MBNL1: variants seen among roughly 807,000 people sequenced by gnomAD.
The protein encoded by MBNL1 is muscleblind-like protein 1.
Under a neutral mutation model 42.2 loss-of-function variants are expected in MBNL1, and 8 were observed. That is an observed-to-expected ratio of 0.19 (90% CI 0.11 to 0.34). The LOEUF (loss-of-function observed/expected upper bound fraction) is 0.34. MBNL1 is among the 10% of genes least tolerant of loss of function. The pLI, the probability that MBNL1 is intolerant of heterozygous loss-of-function variation, is 1.00. For synonymous variants in MBNL1, 169 were observed against 173.9 expected, an observed-to-expected ratio of 0.97 and a Z score of 0.22; for missense variants, 309 against 495.3, an observed-to-expected ratio of 0.62 and a Z score of 3.57.
At chr3:152,270,813 A>G (rs1384386765) in intron 1 of MBNL1, among the ~76,000 whole-genome samples, 1 of 152,038 alleles carries the variant, frequency 6.6e-6, no homozygotes, top group Admixed American at 6.6e-5. Context: ...TTATTATTAT[A>G]TTGTTAGGTC....
At chr3:152,436,439 G>A (rs369860516) in intron 4 of MBNL1, among the ~76,000 whole-genome samples, 42 of 152,266 alleles carry the variant, frequency 2.8e-4, no homozygotes, top group African/African-American at 9.4e-4. Context: ...ATTAACTAAT[G>A]CTGTTTGCAG....
At chr3:152,374,513 A>T (rs530885534) in intron 2 of MBNL1, among the ~76,000 whole-genome samples, 2 of 152,332 alleles carry the variant, frequency 1.3e-5, no homozygotes, top group South Asian at 4.1e-4. Flanking sequence ...AAACCCATAG[A>T]GTTGACAGAT....
At chr3:152,400,466 T>C (rs1361215683) in intron 2 of MBNL1, among the ~76,000 whole-genome samples, 1 of 152,232 alleles carries the variant, frequency 6.6e-6, no homozygotes, top group East Asian at 1.9e-4. Flanking sequence ...TTATTACTTA[T>C]CTAATTTGCT....
At chr3:152,422,343 A>G (rs2098820610) in intron 3 of MBNL1, among the ~76,000 whole-genome samples, 1 of 152,172 alleles carries the variant, frequency 6.6e-6, no homozygotes, top group Non-Finnish European at 1.5e-5. Flanking sequence ...CATGATCAAA[A>G]AAGACAAAGA....
chr3:152,304,353 A>G (rs2061978299), intron 2 of MBNL1, among the ~76,000 whole-genome samples: 2 of 152,154 alleles, frequency 1.3e-5, no homozygotes, highest in Non-Finnish European at 1.5e-5. Flanking sequence ...CTGCTGTTCT[A>G]AGCCCCAAGC....
intron 2 of MBNL1, among the ~76,000 whole-genome samples, chr3:152,303,207 TAATA>T (rs1213819883): frequency 1.3e-5 from 2 of 152,150 alleles, no homozygotes; most frequent in Non-Finnish European, 2.9e-5. Context: ...GTCTGTATCG[TAATA>T]AATCTGTTGC....
chr3:152,433,783 C>T (rs1339648044), intron 4 of MBNL1, among the ~76,000 whole-genome samples: 1 of 151,732 alleles, frequency 6.6e-6, no homozygotes, highest in Non-Finnish European at 1.5e-5. Context: ...TTGCATAATC[C>T]TCTAAGTTCT....
chr3:152,375,143 G>A (rs928126949), intron 2 of MBNL1, among the ~76,000 whole-genome samples: 15 of 152,030 alleles, frequency 9.9e-5, no homozygotes, highest in African/African-American at 2.2e-4. Flanking sequence ...CTTACCCAGC[G>A]GAGTTGGGGT....
chr3:152,244,659 A>G (rs965499219), intron 2 of MBNL1, among the ~76,000 whole-genome samples: 6 of 152,188 alleles, frequency 3.9e-5, no homozygotes, highest in Non-Finnish European at 7.4e-5. Flanking sequence ...GTTTTCATTG[A>G]TCTCCAAATT....
intron 2 of MBNL1, among the ~76,000 whole-genome samples, chr3:152,253,669 C>T (rs2035008672): frequency 6.6e-6 from 1 of 151,988 alleles, no homozygotes; most frequent in Admixed American, 6.6e-5. Flanking sequence ...TCCTCATGTT[C>T]CCCCCAGAGT....
intron 2 of MBNL1, among the ~76,000 whole-genome samples, chr3:152,396,839 G>A (rs533473037): frequency 1.3e-5 from 2 of 152,146 alleles, no homozygotes; most frequent in Admixed American, 1.3e-4. Flanking sequence ...TCAATTGCTC[G>A]AACAGTATTT....
chr3:152,269,228 G>C (rs964688280), intron 1 of MBNL1, 136 bp downstream of exon 1: 3 of 364,618 alleles, frequency 8.2e-6, no homozygotes, highest in African/African-American at 2.1e-5. Context: ...GGCCGCTCGC[G>C]GTAGTTGGTT....
At chr3:152,286,378 A>G (rs1255094135) in intron 1 of MBNL1, among the ~76,000 whole-genome samples, 26 of 138,116 alleles carry the variant, frequency 1.9e-4, no homozygotes, top group African/African-American at 6.3e-4. Context: ...TATAATATAA[A>G]TATTTAATTA....
intron 3 of MBNL1, among the ~76,000 whole-genome samples, chr3:152,426,035 C>T (rs78198754): frequency 0.13 from 19,155 of 152,144 alleles, 1,328 homozygotes; most frequent in Middle Eastern, 0.18. Flanking sequence ...GAATGAGTTC[C>T]TGTCCTTTGC....
chr3:152,302,270 CT>C (rs2061024892), intron 2 of MBNL1: 1 of 151,520 alleles, frequency 6.6e-6, no homozygotes, highest in Non-Finnish European at 1.5e-5. Flanking sequence ...TTTTCTTTGT[CT>C]TTCTAAGAGA....
At chr3:152,452,304 G>A (rs976101899) in intron 6 of MBNL1, among the ~76,000 whole-genome samples, 1 of 151,622 alleles carries the variant, frequency 6.6e-6, no homozygotes, top group African/African-American at 2.4e-5. Flanking sequence ...TTCTTTTTTC[G>A]TTGAAATTAA....
At chr3:152,410,815 T>TA (rs1051862935) in intron 2 of MBNL1, among the ~76,000 whole-genome samples, 2 of 152,250 alleles carry the variant, frequency 1.3e-5, no homozygotes. Flanking sequence ...ATGTGGCAAA[T>TA]ACACATTGAT....
At chr3:152,373,291 A>G (rs549090056) in intron 2 of MBNL1, among the ~76,000 whole-genome samples, 18 of 144,472 alleles carry the variant, frequency 1.2e-4, no homozygotes, top group African/African-American at 3.6e-4. Context: ...TTCCCTTTCC[A>G]GGAGAGTGAA....
At chr3:152,398,479 A>G (rs777346848) in intron 2 of MBNL1, among the ~76,000 whole-genome samples, 10 of 152,202 alleles carry the variant, frequency 6.6e-5, no homozygotes, top group Non-Finnish European at 1.0e-4. Context: ...AAAATTATCT[A>G]ATAGAATCAA....
Sources: allele counts gnomAD v4.1 joint callset (sites outside exome capture counted in the v4.1 genomes callset), GRCh38; gene constraint gnomAD v4.1.1; transcripts MANE v1.5; gene names NCBI Gene and HGNC (gene_info 2026-07-23, HGNC 2026-07-21).